Variants in GRID2 observed in about 807,000 individuals in gnomAD.
GRID2 encodes glutamate receptor ionotropic, delta-2.
In GRID2, 33 loss-of-function variants were observed where a neutral mutation model predicts 114.8. The observed-to-expected ratio is 0.29, with a 90% CI of 0.22 to 0.38. GRID2 has a LOEUF of 0.38. Ranked by LOEUF, GRID2 falls within the 10% of genes least tolerant of loss-of-function variation. GRID2 has a pLI of 1.00. For synonymous variants in GRID2, 505 were observed against 449.9 expected, an observed-to-expected ratio of 1.12 and a Z score of -1.55; for missense variants, 1,184 against 1,257.7, an observed-to-expected ratio of 0.94 and a Z score of 0.89.
intron 2 of GRID2, among the ~76,000 whole-genome samples, chr4:92,919,154 ATTCTC>A (rs779863375): frequency 2.0e-5 from 3 of 152,090 alleles, no homozygotes; most frequent in Non-Finnish European, 2.9e-5. Flanking sequence ...TGTTTATACT[ATTCTC>A]TGATGGTGGT....
At chr4:93,429,644 T>C (rs1769209828) in intron 10 of GRID2, among the ~76,000 whole-genome samples, 2 of 151,754 alleles carry the variant, frequency 1.3e-5, no homozygotes, top group Admixed American at 1.3e-4. Flanking sequence ...CCAAGGAAAA[T>C]AGATCCAACA....
At position 92,963,119 on chromosome 4, in the gene GRID2, C is replaced by T. The variant is rs79350728; in HGVS notation, c.245-121876C>T. On this transcript the variant is annotated intron_variant, in intron 2 of 15. Transcript: ENST00000282020. Reference sequence around the variant, plus strand: ...CTAAAAATGCTAACAATCTTCTGGGCCTTCAGCGTGTCATAATCCTTTTGC... The same window carrying T: ...CTAAAAATGCTAACAATCTTCTGGGTCTTCAGCGTGTCATAATCCTTTTGC... Among the ~76,000 whole-genome samples the T allele has an allele frequency of 9.7e-3, 1,471 of 152,086 alleles. 18 individuals carry two copies. The highest frequency in any genetic ancestry group is 0.015 in the Non-Finnish European group (1,047 of 67,942).
intron 1 of GRID2, among the ~76,000 whole-genome samples, chr4:92,557,191 C>A (rs1726892380): frequency 6.6e-6 from 1 of 151,894 alleles, no homozygotes; most frequent in South Asian, 2.1e-4. Context: ...TTATATATAG[C>A]TTTTACTATT....
intron 14 of GRID2, among the ~76,000 whole-genome samples, chr4:93,628,949 T>C (rs918510908): frequency 2.0e-5 from 3 of 152,040 alleles, no homozygotes; most frequent in African/African-American, 7.2e-5. Flanking sequence ...GTATTTTTAG[T>C]AGAAATGGGG....
chr4:93,372,111 T>G (rs193051348), intron 8 of GRID2, among the ~76,000 whole-genome samples: 13 of 152,200 alleles, frequency 8.5e-5, no homozygotes, highest in Non-Finnish European at 1.8e-4. Flanking sequence ...GATGTAAGAA[T>G]AGCCTCTGCT....
intron 9 of GRID2, among the ~76,000 whole-genome samples, chr4:93,401,713 A>G (rs1765908038): frequency 6.6e-6 from 1 of 152,162 alleles, no homozygotes; most frequent in Non-Finnish European, 1.5e-5. Context: ...ATATACACAG[A>G]AATAGGAAAT....
At chr4:92,487,337 A>G (rs1722944525) in intron 1 of GRID2, among the ~76,000 whole-genome samples, 1 of 151,900 alleles carries the variant, frequency 6.6e-6, no homozygotes, top group Non-Finnish European at 1.5e-5. Flanking sequence ...AGTTACTTTT[A>G]TGTTTACCAT....
chr4:92,484,304 G>T (rs1722761503), intron 1 of GRID2, among the ~76,000 whole-genome samples: 1 of 152,080 alleles, frequency 6.6e-6, no homozygotes, highest in Admixed American at 6.6e-5. Context: ...GCTGCATAAT[G>T]ATTCAGTAAT....
chr4:93,058,540 TCCACACC>T (rs1727479129), intron 2 of GRID2, among the ~76,000 whole-genome samples: 1 of 152,030 alleles, frequency 6.6e-6, no homozygotes, highest in East Asian at 1.9e-4. Context: ...TAGTTGTCCT[TCCACACC>T]ATTGAAATTG....
At chr4:93,169,132 A>G (rs998618917) in intron 4 of GRID2, among the ~76,000 whole-genome samples, 1 of 143,886 alleles carries the variant, frequency 6.9e-6, no homozygotes. Flanking sequence ...GCTTTTTTCA[A>G]CACAATGAAA....
intron 2 of GRID2, among the ~76,000 whole-genome samples, chr4:93,066,545 T>C (rs1182274696): frequency 6.6e-6 from 1 of 152,002 alleles, no homozygotes; most frequent in Non-Finnish European, 1.5e-5. Flanking sequence ...CCGAGACTTC[T>C]GGTAGACGAC....
At chr4:93,621,082 C>A (rs1742179719) in intron 13 of GRID2, among the ~76,000 whole-genome samples, 1 of 152,094 alleles carries the variant, frequency 6.6e-6, no homozygotes, top group Non-Finnish European at 1.5e-5. Context: ...TCCTTATAGA[C>A]TTAACCTTCA....
rs559798506 is a variant in GRID2 at position 92,558,054 on chromosome 4, A to G, written c.89-32077A>G. Among the ~76,000 whole-genome samples the G allele has an allele frequency of 2.0e-3, 297 of 152,236 alleles. 1 individual carries two copies. Among genetic ancestry groups the G allele is most frequent in the Admixed American group, 3.9e-3 (60 of 15,278 alleles). On this transcript the variant is annotated intron_variant, in intron 1 of 15. Coordinates refer to ENST00000282020, the MANE Select transcript of GRID2 (RefSeq NM_001510.4). The stretch of plus-strand genomic sequence containing the variant: ...TTCCTCCATTCTATTTTTGGAGCCA[A>G]TGAAGTTTCTTACATTTGGCCAGCC...
intron 2 of GRID2, among the ~76,000 whole-genome samples, chr4:93,050,047 A>G (rs150779772): frequency 5.8e-4 from 89 of 152,244 alleles, no homozygotes; most frequent in Non-Finnish European, 1.1e-3. Flanking sequence ...ATACTGTAGT[A>G]AATATTTTTA....
intron 4 of GRID2, among the ~76,000 whole-genome samples, chr4:93,164,431 A>T (rs1053849291): frequency 9.2e-5 from 14 of 152,094 alleles, no homozygotes; most frequent in Admixed American, 8.5e-4. Flanking sequence ...AACAAGGCTC[A>T]TTCCTGGGAA....
At chr4:92,364,492 C>G (rs1202757971) in intron 1 of GRID2, among the ~76,000 whole-genome samples, 2 of 151,752 alleles carry the variant, frequency 1.3e-5, no homozygotes, top group South Asian at 4.2e-4. Flanking sequence ...TAGTATTATT[C>G]AATAACAAAA....
In GRID2 at chr4:93,324,890, T is replaced by G. The variant is rs190838111; in HGVS notation, c.1246-70717T>G. 7.7e-3 allele frequency among the ~76,000 whole-genome samples: 1,180 copies of G among 152,280 alleles called. 8 individuals are homozygous for G. The highest frequency in any genetic ancestry group is 0.016 in the Admixed American group (241 of 15,284). On this transcript the variant is annotated intron_variant, in intron 8 of 15. Coordinates refer to ENST00000282020, the MANE Select transcript of GRID2 (RefSeq NM_001510.4). The stretch of plus-strand genomic sequence containing the variant: ...GTGGGATTGGTGGTGATATCCCCTT[T>G]ATCGTTTTTTATTGTGTCTATTTGA...
At chr4:92,341,499 G>C (rs1395037651) in intron 1 of GRID2, among the ~76,000 whole-genome samples, 6 of 152,012 alleles carry the variant, frequency 3.9e-5, no homozygotes, top group African/African-American at 1.4e-4. Flanking sequence ...AGCCTACATT[G>C]CAATCCAGCT....
intron 8 of GRID2, among the ~76,000 whole-genome samples, chr4:93,268,761 A>G (rs969817601): frequency 7.9e-5 from 12 of 152,128 alleles, no homozygotes; most frequent in Non-Finnish European, 1.3e-4. Flanking sequence ...AAACTGACTG[A>G]TAGCAGGTAT....
Sources: allele counts gnomAD v4.1 joint callset (sites outside exome capture counted in the v4.1 genomes callset), GRCh38; gene constraint gnomAD v4.1.1; transcripts MANE v1.5; gene names NCBI Gene and HGNC (gene_info 2026-07-23, HGNC 2026-07-21).